The following CFAP300 variants were observed in gnomAD, a reference collection of about 807,000 sequenced individuals.
CFAP300 encodes cilia- and flagella-associated protein 300.
CFAP300 carries 32 observed loss-of-function variants against 33.0 expected under a neutral mutation model. The observed-to-expected ratio is 0.97, with a 90% confidence interval of 0.73 to 1.30. The LOEUF (loss-of-function observed/expected upper bound fraction) is 1.30. Among genes scored for constraint, CFAP300 ranks in the 50% most tolerant of loss-of-function variants. The probability of loss-of-function intolerance (pLI) is 0.00; values close to 1 mark genes in which losing one functional copy is unlikely to be tolerated. For synonymous variants in CFAP300, 102 were observed against 106.8 expected (o/e 0.95, Z 0.28); for missense variants, 356 against 318.1 (o/e 1.12, Z -0.90).
At chr11:102,055,090 C>T in intron 2 of CFAP300, among the ~76,000 whole-genome samples, 1 of 150,380 alleles carries the variant, frequency 6.6e-6, no homozygotes, top group South Asian at 2.1e-4. Flanking sequence ...AAGCGATTCT[C>T]CTGCCTTAGC....
chr11:102,082,432 T>C (rs1425259668), intron 6 of CFAP300, among the ~76,000 whole-genome samples: 1 of 151,960 alleles, frequency 6.6e-6, no homozygotes, highest in Non-Finnish European at 1.5e-5. Flanking sequence ...TTGCTAAATA[T>C]AAAATTGTTG....
intron 2 of CFAP300, among the ~76,000 whole-genome samples, chr11:102,050,936 A>G (rs573323860): frequency 6.6e-6 from 1 of 152,228 alleles, no homozygotes; most frequent in African/African-American, 2.4e-5. Flanking sequence ...GTGGGTTGTT[A>G]GGACTGAGTC....
intron 2 of CFAP300, among the ~76,000 whole-genome samples, chr11:102,048,136 C>T (rs1463964251): frequency 6.6e-6 from 1 of 152,096 alleles, no homozygotes; most frequent in Non-Finnish European, 1.5e-5. Flanking sequence ...TATCTTGCCT[C>T]GGGGAACTTT....
chr11:102,048,668 A>C (rs898472611), intron 2 of CFAP300, among the ~76,000 whole-genome samples: 15 of 152,186 alleles, frequency 9.9e-5, no homozygotes, highest in Admixed American at 8.5e-4. Context: ...GAATTCCCCC[A>C]AAAAAGTATG....
chr11:102,047,644 C>A, intron 1 of CFAP300, 64 bp downstream of exon 1: 2 of 1,502,916 alleles, frequency 1.3e-6, no homozygotes, highest in Non-Finnish European at 1.8e-6. Flanking sequence ...AGGCGCAGGC[C>A]GGGCGTCGAG....
intron 2 of CFAP300, among the ~76,000 whole-genome samples, chr11:102,057,196 G>A (rs1044894643): frequency 1.3e-5 from 2 of 151,418 alleles, no homozygotes; most frequent in African/African-American, 2.4e-5. Flanking sequence ...AAAATTAGCC[G>A]GGCATGGTGG....
rs541304615 is a variant in CFAP300 at position 102,075,842 on chromosome 11, T to C, written c.436-31T>C. 2.4e-5 allele frequency: 36 copies of C among 1,511,450 alleles called. No homozygotes were observed. In the African/African-American group the frequency reaches 3.4e-4, roughly 14 times the overall value. 93.6% of individuals were successfully genotyped at this position (1,511,450 alleles called of 1,614,324 possible). On this transcript the variant is annotated intron_variant, in intron 4 of 6. Transcript: ENST00000434758. ...AAACAAAAGTAAAAATCTTGAGTTATGTTACATTAAGATGAATTTTATCGT... is the reference window on the plus strand; with the variant it reads ...AAACAAAAGTAAAAATCTTGAGTTACGTTACATTAAGATGAATTTTATCGT...
chr11:102,058,811 T>C (rs1028977749), intron 2 of CFAP300, 69 bp from the exon 3 acceptor site: 3 of 902,578 alleles, frequency 3.3e-6, no homozygotes, highest in Admixed American at 5.2e-5. Flanking sequence ...ATTATAGTTA[T>C]TTTATGTTAA....
rs562069654 is a variant in CFAP300 at position 102,068,788 on chromosome 11, A to G, written c.435+2137A>G. Reference sequence around the variant, plus strand: ...GGTGAAAGAGCAAGATTTCGTCTCAAAAGAAGAAATTAAACAAAACAAAAC... The same window carrying G: ...GGTGAAAGAGCAAGATTTCGTCTCAGAAGAAGAAATTAAACAAAACAAAAC... On this transcript the variant is annotated intron_variant, in intron 4 of 6. Coordinates refer to ENST00000434758, the MANE Select transcript of CFAP300 (RefSeq NM_032930.3). Among the ~76,000 whole-genome samples the G allele has an allele frequency of 1.3e-3, 204 of 152,338 alleles. 2 individuals are homozygous for G. Among genetic ancestry groups the G allele is most frequent in the African/African-American group, 4.7e-3 (195 of 41,584 alleles).
At chr11:102,074,444 C>T (rs968504068) in intron 4 of CFAP300, among the ~76,000 whole-genome samples, 3 of 152,156 alleles carry the variant, frequency 2.0e-5, no homozygotes, top group African/African-American at 7.2e-5. Context: ...CCAGCTCCTT[C>T]TGTGCTTGTG....
chr11:102,076,888 C>T (rs1036517903), intron 5 of CFAP300, among the ~76,000 whole-genome samples: 1 of 152,122 alleles, frequency 6.6e-6, no homozygotes, highest in African/African-American at 2.4e-5. Flanking sequence ...TATAATCTCT[C>T]TGTGATTTTA....
intron 4 of CFAP300, 144 bp downstream of exon 4, chr11:102,066,795 A>G (rs1942234418): frequency 3.1e-6 from 2 of 653,460 alleles, no homozygotes; most frequent in African/African-American, 1.9e-5. Flanking sequence ...TAATCCTAAC[A>G]TTGGTAGATT....
At chr11:102,070,841 A>G (rs754786794) in intron 4 of CFAP300, among the ~76,000 whole-genome samples, 7 of 152,048 alleles carry the variant, frequency 4.6e-5, no homozygotes, top group Non-Finnish European at 1.0e-4. Context: ...GTTCTCATGT[A>G]TTTGTATAGT....
At chr11:102,063,578 A>C (rs988207212) in intron 3 of CFAP300, among the ~76,000 whole-genome samples, 8 of 152,326 alleles carry the variant, frequency 5.3e-5, no homozygotes, top group Admixed American at 5.2e-4. Flanking sequence ...CTGTAATCCC[A>C]ACACTTCAAG....
intron 6 of CFAP300, among the ~76,000 whole-genome samples, chr11:102,081,768 T>G (rs996200372): frequency 2.0e-5 from 3 of 151,800 alleles, no homozygotes; most frequent in Non-Finnish European, 4.4e-5. Flanking sequence ...GGCACGCGCC[T>G]GTAGTCCCAG....
At chr11:102,066,710 G>T (rs375485227) in intron 4 of CFAP300, 59 bp downstream of exon 4, 6 of 1,504,886 alleles carry the variant, frequency 4.0e-6, no homozygotes, top group Middle Eastern at 2.2e-4. Context: ...TGCAAAAATG[G>T]CAAAAACTTT....
intron 5 of CFAP300, among the ~76,000 whole-genome samples, chr11:102,080,649 C>T (rs769507229): frequency 5.9e-5 from 9 of 152,140 alleles, no homozygotes; most frequent in Non-Finnish European, 1.2e-4. Context: ...ATCTGCCTGC[C>T]TAGGCCTCCC....
At chr11:102,081,468 C>T in intron 6 of CFAP300, 187 bp downstream of exon 6, 1 of 596,272 alleles carries the variant, frequency 1.7e-6, no homozygotes, top group South Asian at 2.3e-5. Context: ...AACTTTTTTC[C>T]CTGGCTTCCT....
chr11:102,081,120 G>A (rs1942467233), intron 5 of CFAP300, 95 bp from the exon 6 acceptor site: 1 of 901,766 alleles, frequency 1.1e-6, no homozygotes, highest in African/African-American at 1.7e-5. Context: ...TGTTCTATAT[G>A]AATAAGAACA....
Sources: gnomAD v4.1 joint callset for allele counts (sites outside exome capture counted in the v4.1 genomes callset) on GRCh38, gnomAD v4.1.1 for gene constraint, MANE v1.5 for transcripts, NCBI Gene and HGNC (gene_info 2026-07-23, HGNC 2026-07-21) for gene names.